The following TMTC4 variants were observed in gnomAD, a reference collection of about 807,000 sequenced individuals.
TMTC4 encodes the protein transmembrane O-mannosyltransferase targeting cadherins 4.
Under a neutral mutation model 86.0 loss-of-function variants are expected in TMTC4, and 65 were observed. That is an observed-to-expected ratio of 0.76 (90% CI 0.62 to 0.93). The LOEUF is 0.93. Ranked by LOEUF, TMTC4 falls within the 40% of genes least tolerant of loss-of-function variation. TMTC4 has a pLI of 0.00. For synonymous variants in TMTC4, 379 were observed against 382.5 expected, an observed-to-expected ratio of 0.99 and a Z score of 0.11; for missense variants, 866 against 948.1, an observed-to-expected ratio of 0.91 and a Z score of 1.14.
At chr13:100,643,147 C>A (rs934698055) in intron 6 of TMTC4, among the ~76,000 whole-genome samples, 4 of 152,286 alleles carry the variant, frequency 2.6e-5, no homozygotes, top group Middle Eastern at 6.8e-3. Flanking sequence ...AGGGAAGCTG[C>A]ATGGATACTC....
chr13:100,626,004 G>A (rs867907257), intron 13 of TMTC4, 67 bp downstream of exon 13: 33 of 1,601,336 alleles, frequency 2.1e-5, no homozygotes, highest in Non-Finnish European at 1.1e-5. Context: ...AAAGGAACAG[G>A]TGTTTCATAT....
intron 12 of TMTC4, among the ~76,000 whole-genome samples, chr13:100,632,544 G>C (rs1200672533): frequency 1.3e-5 from 2 of 152,028 alleles, no homozygotes; most frequent in African/African-American, 4.8e-5. Context: ...ATTTATTTTT[G>C]GTAGCATAAA....
Position 100,625,541 on chromosome 13 carries a change from C to T in TMTC4, c.1830G>A (p.Gly610=). ...CAGGGCACCCCGCGCTTACCAGACG[C>T]CCGAGGTTGTAGTAACAGTCTGGGT... is the stretch of plus-strand genomic sequence containing the variant. ...RKYPDCYYNL[G]RLYADLNRHV... Residue 610 remains glycine, a synonymous_variant, in exon 15 of 19, where the codon GGG becomes GGA. Coordinates refer to ENST00000342624, the MANE Select transcript of TMTC4 (RefSeq NM_032813.5). The T allele has an allele frequency of 8.1e-6, 13 of 1,613,956 alleles. No homozygotes were observed. Among genetic ancestry groups the T allele is most frequent in the East Asian group, 2.2e-5 (1 of 44,884 alleles).
intron 6 of TMTC4, among the ~76,000 whole-genome samples, chr13:100,644,728 T>C (rs1281678029): frequency 6.6e-6 from 1 of 152,228 alleles, no homozygotes; most frequent in African/African-American, 2.4e-5. Context: ...CTATTATAGC[T>C]GAGGCACTTT....
rs528310674 is a variant in TMTC4, at chr13:100,659,766, C to T, written c.552+3198G>A. On this transcript the variant is annotated intron_variant, in intron 5 of 18. Transcript: ENST00000342624. ...CCATGAGTTGAGGAGCACAAAACACCGACTGCAATTACAGCATTACCAAGC... is the reference window on the plus strand; with the variant it reads ...CCATGAGTTGAGGAGCACAAAACACTGACTGCAATTACAGCATTACCAAGC... Among the ~76,000 whole-genome samples, 6 of 150,400 alleles carry T rather than the reference C, an allele frequency of 4.0e-5. No individual in the cohort carries two copies. The South Asian group carries it at 1.1e-3, about 27-fold the overall frequency.
chr13:100,641,966 A>C (rs1224034831), intron 7 of TMTC4, among the ~76,000 whole-genome samples: 1 of 152,210 alleles, frequency 6.6e-6, no homozygotes, highest in African/African-American at 2.4e-5. Context: ...TGGCTCCCTA[A>C]GAACTCCTCA....
chr13:100,674,809 A>T, upstream of TMTC4: 1 of 980,272 alleles, frequency 1.0e-6, no homozygotes, highest in Non-Finnish European at 1.2e-6. Context: ...GGCTCCAGGC[A>T]CCCGCCCGGA....
chr13:100,651,976 C>T (rs1021734543), intron 6 of TMTC4, among the ~76,000 whole-genome samples: 1 of 152,148 alleles, frequency 6.6e-6, no homozygotes, highest in Non-Finnish European at 1.5e-5. Flanking sequence ...ATCATCACTG[C>T]AGTGACAATA....
intron 7 of TMTC4, chr13:100,638,258 G>C: frequency 2.3e-6 from 1 of 439,634 alleles, no homozygotes; most frequent in Non-Finnish European, 4.0e-6. Flanking sequence ...TGATTTCACA[G>C]TCTGCGTGTA....
chr13:100,652,566 T>C (rs546479585), intron 6 of TMTC4, among the ~76,000 whole-genome samples: 12 of 152,178 alleles, frequency 7.9e-5, no homozygotes, highest in Non-Finnish European at 1.2e-4. Context: ...AAAATATATA[T>C]ATATACACCT....
chr13:100,642,802 G>A (rs1158221842), intron 6 of TMTC4, among the ~76,000 whole-genome samples: 2 of 152,170 alleles, frequency 1.3e-5, no homozygotes, highest in East Asian at 1.9e-4. Context: ...TGGACACCAG[G>A]TGGCTTAGGA....
intron 18 of TMTC4, 122 bp downstream of exon 18, chr13:100,606,236 C>G: frequency 1.2e-6 from 1 of 824,818 alleles, no homozygotes; most frequent in Non-Finnish European, 2.0e-6. Flanking sequence ...ATAACAGAAC[C>G]ACATTTTAAA....
At chr13:100,673,253 G>A (rs559409494) in intron 1 of TMTC4, 2 of 927,196 alleles carry the variant, frequency 2.2e-6, no homozygotes, top group South Asian at 5.0e-5. Context: ...GAACCATGAG[G>A]GCCCAATGAC....
Position 100,645,936 on chromosome 13 carries a change from G to A in TMTC4, c.641-3625C>T, listed in dbSNP as rs531275003. On this transcript the variant is annotated intron_variant, in intron 6 of 18. Transcript: ENST00000342624. ...CCACCCCCTACCGCTCCCCTCAGTGGTGACAATCAAAAATGTCACAGATAT... is the reference window on the plus strand; with the variant it reads ...CCACCCCCTACCGCTCCCCTCAGTGATGACAATCAAAAATGTCACAGATAT... Among the ~76,000 whole-genome samples, 640 of 152,202 alleles carry A rather than the reference G, an allele frequency of 4.2e-3. 7 individuals carry two copies. The highest frequency in any genetic ancestry group is 0.015 in the African/African-American group (622 of 41,522).
chr13:100,650,927 T>G (rs1283226), intron 6 of TMTC4, among the ~76,000 whole-genome samples: 137,526 of 152,276 alleles, frequency 0.9, 63,814 homozygotes, highest in East Asian at 1. Flanking sequence ...AAGAGCAAGA[T>G]TTATCCCATT....
At chr13:100,670,117 A>T (rs554481589) in intron 2 of TMTC4, among the ~76,000 whole-genome samples, 6 of 152,282 alleles carry the variant, frequency 3.9e-5, no homozygotes, top group Non-Finnish European at 8.8e-5. Flanking sequence ...ATTGGTACCG[A>T]GGCTCCTGTC....
Position 100,626,142 on chromosome 13 carries a change from G to A in TMTC4, c.1515C>T (p.Tyr505=), listed in dbSNP as rs536772186. The A allele has an allele frequency of 4.8e-5, 77 of 1,614,162 alleles. 2 individuals are homozygous for A. In the Middle Eastern group the frequency reaches 8.2e-4, roughly 17 times the overall value. Residue 505 remains tyrosine (Y), a synonymous_variant, in exon 13 of 19, where the codon TAC becomes TAT. Coordinates refer to ENST00000342624, the MANE Select transcript of TMTC4 (RefSeq NM_032813.5). The part of the protein sequence containing the change: ...SVCPLNAKVH[Y]NIGKNLADKG... ...TATCAGCCAGGTTTTTGCCAATGTTGTAGTGAACCTGCAGACAGAGAATAA... is the reference window on the plus strand; with the variant it reads ...TATCAGCCAGGTTTTTGCCAATGTTATAGTGAACCTGCAGACAGAGAATAA...
At position 100,636,569 on chromosome 13, in the gene TMTC4, A is replaced by G. The variant is rs758439220; in HGVS notation, c.1165T>C (p.Cys389Arg). The change falls in exon 10 of 19, where the codon TGC (cysteine) becomes CGC (arginine). Residue 389 changes from cysteine to arginine, a missense_variant. Transcript: ENST00000342624. ...CCGTCTTCAGAGCACAGGGCTTGGC[A>G]TATCAGGCCAATTAGGCAGAACCAG... ...ALWFCLIGLI[C>R]QALCSEDGHK... 4.3e-6 allele frequency: 7 copies of G among 1,614,124 alleles called. No homozygotes were observed. In the South Asian group the frequency reaches 6.6e-5, roughly 15 times the overall value.
At chr13:100,657,492 T>G (rs1219892920) in intron 5 of TMTC4, among the ~76,000 whole-genome samples, 1 of 151,904 alleles carries the variant, frequency 6.6e-6, no homozygotes, top group Non-Finnish European at 1.5e-5. Flanking sequence ...TGTTTCTTTC[T>G]TCAGGCTGAT....
Sources: gnomAD v4.1 joint callset for allele counts (sites outside exome capture counted in the v4.1 genomes callset) on GRCh38, gnomAD v4.1.1 for gene constraint, MANE v1.5 for transcripts, NCBI Gene and HGNC (gene_info 2026-07-23, HGNC 2026-07-21) for gene names.